The following MYOF variants were observed in gnomAD, a reference collection of about 807,000 sequenced individuals.
MYOF encodes fer-1-like 3, myoferlin.
MYOF carries 244 observed loss-of-function variants against 284.2 expected under a neutral mutation model. The ratio of observed to expected loss-of-function variants is 0.86; its 90% CI spans 0.77 to 0.95. MYOF has a LOEUF of 0.95. Among genes scored for constraint, MYOF ranks in the 40% least tolerant of loss-of-function variants. The pLI, the probability that MYOF is intolerant of heterozygous loss-of-function variation, is 0.00. For missense variants in MYOF, 2,496 were observed against 2,560.6 expected, an observed-to-expected ratio of 0.97 and a Z score of 0.54; for synonymous variants, 904 against 919.7, an observed-to-expected ratio of 0.98 and a Z score of 0.31.
Position 93,374,916 on chromosome 10 carries a change from T to A in MYOF, c.2148A>T (p.Thr716=), listed in dbSNP as rs376007212. Reference sequence around the variant, plus strand: ...GCTTTCGGATCTGAGTATCGAGAACTGTGACGTTGGCTTTTCCTTCTGTGA... The same window carrying A: ...GCTTTCGGATCTGAGTATCGAGAACAGTGACGTTGGCTTTTCCTTCTGTGA... ...LPLTEGKANV[T]VLDTQIRKLR... Residue 716 remains threonine, a synonymous_variant, in exon 23 of 54, where the codon ACA becomes ACT. Coordinates refer to ENST00000359263, the MANE Select transcript of MYOF (RefSeq NM_013451.4). 2 of 1,613,898 alleles carry A rather than the reference T, an allele frequency of 1.2e-6. No individual in the cohort carries two copies. Among genetic ancestry groups the A allele is most frequent in the Non-Finnish European group, 1.7e-6 (2 of 1,179,976 alleles).
rs771328774 is a variant in MYOF, at chr10:93,397,405, C to T, written c.1273G>A (p.Val425Ile). ...AGTCAAACCTTGATCTGAAGATTGA[C>T]GACCTGATTCCACTCTGGGTTTGCA... ...KNANPEWNQVVNLQIKFPSVC... is the reference protein window; with the variant it reads ...KNANPEWNQVINLQIKFPSVC... The change falls in exon 14 of 54, where the codon GTC (valine) becomes ATC (isoleucine). Residue 425 changes from valine to isoleucine, a missense_variant. This residue lies in a region of MYOF where 2,436 missense variants were observed against 2,480.7 expected (regional missense o/e 0.98). Coordinates refer to ENST00000359263, the MANE Select transcript of MYOF (RefSeq NM_013451.4). 20 of 1,611,488 alleles carry T rather than the reference C, an allele frequency of 1.2e-5. No homozygotes were observed. Among genetic ancestry groups the T allele is most frequent in the Admixed American group, 6.7e-5 (4 of 59,616 alleles).
In MYOF at chr10:93,351,209, G is replaced by T; in HGVS notation, c.3909C>A (p.Leu1303=). 1.2e-6 allele frequency: 2 copies of T among 1,614,144 alleles called. No individual in the cohort carries two copies. The highest frequency in any genetic ancestry group is 1.7e-6 in the Non-Finnish European group (2 of 1,180,012). The change falls in exon 35 of 54, where the codon CTC becomes CTA. Residue 1303 remains leucine (L), a synonymous_variant. Transcript: ENST00000359263. ...GGGAGCAGCATACCTCAATGGCAGTGAGCTGGACCACAGGCCTGATCCCCT... is the reference window on the plus strand; with the variant it reads ...GGGAGCAGCATACCTCAATGGCAGTTAGCTGGACCACAGGCCTGATCCCCT... ...VPQGIRPVVQ[L]TAIEILAWGL...
Position 93,325,715 on chromosome 10 carries a change from T to C in MYOF, c.5271+111A>G, listed in dbSNP as rs992941565. Reference sequence around the variant, plus strand: ...GACGCTAATTTGAGTCTCATTTCTATTTCTGTGCATCTCAAAGTATTCAAA... The same window carrying C: ...GACGCTAATTTGAGTCTCATTTCTACTTCTGTGCATCTCAAAGTATTCAAA... On this transcript the variant is annotated intron_variant, in intron 46 of 53. Transcript: ENST00000359263. 13 of 1,317,344 alleles carry C rather than the reference T, an allele frequency of 9.9e-6. No individual in the cohort carries two copies. The South Asian group carries it at 1.9e-4, about 19-fold the overall frequency. The allele number at this position is 1,317,344 out of a possible 1,614,324, so 81.6% of individuals were successfully genotyped here.
intron 1 of MYOF, among the ~76,000 whole-genome samples, chr10:93,461,671 G>C (rs1388057156): frequency 2.6e-5 from 4 of 152,136 alleles, no homozygotes; most frequent in Non-Finnish European, 4.4e-5. Context: ...GGACACTCCA[G>C]GACCCAACCA....
intron 39 of MYOF, among the ~76,000 whole-genome samples, chr10:93,338,742 A>G (rs549563951): frequency 6.6e-6 from 1 of 152,222 alleles, no homozygotes; most frequent in Non-Finnish European, 1.5e-5. Flanking sequence ...CAATACGTAG[A>G]CAGTGTTGGG....
rs1025661146 is a variant in MYOF at position 93,341,892 on chromosome 10, G to A, written c.4327-1728C>T. On this transcript the variant is annotated intron_variant, in intron 38 of 53. Coordinates refer to ENST00000359263, the MANE Select transcript of MYOF (RefSeq NM_013451.4). Reference sequence around the variant, plus strand: ...GTCCCACAGTCCCAGGCAGCCTCATGCATTTGCTTATCATACATACATGCA... The same window carrying A: ...GTCCCACAGTCCCAGGCAGCCTCATACATTTGCTTATCATACATACATGCA... 20 of 1,288,052 alleles carry A rather than the reference G, an allele frequency of 1.6e-5. No homozygotes were observed. The East Asian group carries it at 2.8e-4, about 18-fold the overall frequency. The allele number at this position is 1,288,052 out of a possible 1,614,324, so 79.8% of individuals were successfully genotyped here. A position where few individuals can be genotyped will look rare whatever the true frequency, so the allele number is the denominator to read the frequency against.
chr10:93,368,103 G>A (rs1845412510), intron 25 of MYOF, among the ~76,000 whole-genome samples: 1 of 152,052 alleles, frequency 6.6e-6, no homozygotes, highest in Admixed American at 6.5e-5. Flanking sequence ...AGAGCTGGAG[G>A]GCAGGTAGAT....
intron 50 of MYOF, among the ~76,000 whole-genome samples, chr10:93,315,949 C>T (rs1040769587): frequency 1.2e-4 from 18 of 147,708 alleles, no homozygotes; most frequent in African/African-American, 3.7e-4. Flanking sequence ...AGTGAGACCT[C>T]GTCTGTACTA....
At chr10:93,424,568 G>A (rs1308508831) in intron 5 of MYOF, among the ~76,000 whole-genome samples, 4 of 152,332 alleles carry the variant, frequency 2.6e-5, no homozygotes, top group Admixed American at 6.5e-5. Context: ...TGCTCAGGGT[G>A]CCGCTAGGAA....
intron 1 of MYOF, among the ~76,000 whole-genome samples, chr10:93,462,863 C>A (rs906778135): frequency 2.0e-5 from 3 of 151,880 alleles, no homozygotes; most frequent in Non-Finnish European, 4.4e-5. Context: ...AGGCACTGAA[C>A]ATCAAATTGA....
At chr10:93,442,349 C>A (rs764915082) in intron 3 of MYOF, among the ~76,000 whole-genome samples, 9 of 152,154 alleles carry the variant, frequency 5.9e-5, no homozygotes, top group Non-Finnish European at 1.2e-4. Flanking sequence ...TTAATTATAT[C>A]AAATTTGCCC....
At chr10:93,385,741 G>T (rs891713933) in intron 19 of MYOF, among the ~76,000 whole-genome samples, 2 of 151,764 alleles carry the variant, frequency 1.3e-5, no homozygotes, top group South Asian at 4.2e-4. Flanking sequence ...TTTGCTGTCT[G>T]TGTTTAATTT....
intron 9 of MYOF, 61 bp downstream of exon 9, chr10:93,403,962 T>C: frequency 6.4e-7 from 1 of 1,563,236 alleles, no homozygotes; most frequent in Non-Finnish European, 8.8e-7. Context: ...AGGAATCAGA[T>C]TTCTATTATG....
Position 93,405,825 on chromosome 10 carries a change from T to TTTTGA in MYOF, c.730-1607_730-1606insTCAAA, listed in dbSNP as rs561616448. ...TTTTTTTTTTTTTTTTTTGACGGAG[T>TTTTGA]CTCTCTCTGTTGCCCAGGCTGGAGT... On this transcript the variant is annotated intron_variant, in intron 7 of 53. Coordinates refer to ENST00000359263, the MANE Select transcript of MYOF (RefSeq NM_013451.4). Among the ~76,000 whole-genome samples, 199 of 145,810 alleles carry TTTTGA rather than the reference T, an allele frequency of 1.4e-3. 1 individual carries two copies. The Middle Eastern group carries it at 0.014, about 10-fold the overall frequency.
At chr10:93,363,860 C>T (rs928817200) in intron 27 of MYOF, 101 bp downstream of exon 27, 19 of 862,926 alleles carry the variant, frequency 2.2e-5, no homozygotes, top group Middle Eastern at 2.5e-4. Context: ...TAAGATGGAG[C>T]GGAGGAGAGG....
intron 1 of MYOF, among the ~76,000 whole-genome samples, chr10:93,471,339 T>C (rs542891590): frequency 6.6e-6 from 1 of 152,212 alleles, no homozygotes; most frequent in African/African-American, 2.4e-5. Context: ...TTAAGTTCTT[T>C]TGTTCTTGGT....
intron 2 of MYOF, 29 bp from the exon 3 acceptor site, chr10:93,452,170 GA>G (rs748943579): frequency 8.1e-5 from 117 of 1,437,034 alleles, no homozygotes; most frequent in South Asian, 1.4e-4. Flanking sequence ...TGAAAAAAGA[GA>G]AAAAAAAAGG....
At chr10:93,462,276 G>C (rs1460561002) in intron 1 of MYOF, among the ~76,000 whole-genome samples, 1 of 152,042 alleles carries the variant, frequency 6.6e-6, no homozygotes, top group Non-Finnish European at 1.5e-5. Flanking sequence ...CCCCATGTTG[G>C]CCAGGCTAGT....
chr10:93,417,988 T>C (rs1415651134), intron 5 of MYOF, among the ~76,000 whole-genome samples: 1 of 152,190 alleles, frequency 6.6e-6, no homozygotes, highest in Non-Finnish European at 1.5e-5. Context: ...TTTGGAGAGA[T>C]GGAGTCTCAT....
Sources: gnomAD v4.1 joint callset for allele counts (sites outside exome capture counted in the v4.1 genomes callset) on GRCh38, gnomAD v4.1.1 for gene constraint, gnomAD v4.1.1 regional missense constraint, MANE v1.5 for transcripts, NCBI Gene and HGNC (gene_info 2026-07-23, HGNC 2026-07-21) for gene names.